Variants in C2orf42 observed in about 807,000 individuals in gnomAD.
C2orf42 encodes the protein uncharacterized protein C2orf42.
In C2orf42, 44 loss-of-function variants were observed where a neutral mutation model predicts 58.9. That is an observed-to-expected ratio of 0.75 (90% CI 0.59 to 0.96). C2orf42 has a LOEUF of 0.96. Among genes scored for constraint, C2orf42 ranks in the 40% least tolerant of loss-of-function variants. The pLI, the probability that C2orf42 is intolerant of heterozygous loss-of-function variation, is 0.00. For synonymous variants in C2orf42, 239 were observed against 265.4 expected (o/e 0.90, Z 0.97); for missense variants, 630 against 699.2 (o/e 0.90, Z 1.12).
chr2:70,175,590 A>G (rs1674133705), intron 5 of C2orf42, 83 bp downstream of exon 5: 1 of 831,528 alleles, frequency 1.2e-6, no homozygotes, highest in Non-Finnish European at 2.1e-6. Flanking sequence ...TCTTTGGGTG[A>G]CAATGTGCAT....
chr2:70,168,762 G>A (rs1216808676), intron 6 of C2orf42, among the ~76,000 whole-genome samples: 1 of 151,166 alleles, frequency 6.6e-6, no homozygotes, highest in Non-Finnish European at 1.5e-5. Context: ...GCCCAGGCTG[G>A]AGTGCAATGG....
chr2:70,157,757 A>G (rs1332994872), intron 9 of C2orf42, among the ~76,000 whole-genome samples: 1 of 152,054 alleles, frequency 6.6e-6, no homozygotes, highest in African/African-American at 2.4e-5. Flanking sequence ...AGATCGTGCC[A>G]CTGCACTCCC....
chr2:70,178,164 G>C (rs1256467671), intron 4 of C2orf42, among the ~76,000 whole-genome samples: 1 of 152,200 alleles, frequency 6.6e-6, no homozygotes, highest in Non-Finnish European at 1.5e-5. Flanking sequence ...TAGTAAGTTT[G>C]GAGTTTGGTC....
intron 9 of C2orf42, among the ~76,000 whole-genome samples, chr2:70,152,831 G>A (rs79649103): frequency 1.3e-5 from 2 of 152,096 alleles, no homozygotes; most frequent in Admixed American, 1.3e-4. Flanking sequence ...TCAGGAGTTC[G>A]AGACCAGCCT....
intron 5 of C2orf42, among the ~76,000 whole-genome samples, chr2:70,170,233 A>T (rs2104913787): frequency 6.7e-6 from 1 of 150,126 alleles, no homozygotes; most frequent in African/African-American, 2.5e-5. Context: ...AAATAAACTA[A>T]GTGAAATAAG....
At chr2:70,157,909 A>C (rs894976228) in intron 9 of C2orf42, among the ~76,000 whole-genome samples, 1 of 152,028 alleles carries the variant, frequency 6.6e-6, no homozygotes, top group Non-Finnish European at 1.5e-5. Flanking sequence ...CCTAAAAAGA[A>C]AGAAATTAAG....
chr2:70,188,343 A>C (rs146756582), intron 1 of C2orf42, among the ~76,000 whole-genome samples: 167 of 151,554 alleles, frequency 1.1e-3, no homozygotes, highest in Admixed American at 3.0e-3. Context: ...GTCCACCACC[A>C]AGCCCGGCTA....
chr2:70,150,119 ACT>A lies in C2orf42; in HGVS notation c.*235_*236del. 1 of 547,960 alleles carries A rather than the reference ACT, an allele frequency of 1.8e-6. No homozygotes were observed. The allele number at this position is 547,960 out of a possible 1,614,324, so 33.9% of individuals were successfully genotyped here. On this transcript the variant is annotated 3_prime_UTR_variant, in exon 10 of 10. Transcript: ENST00000264434. ...TGGTTTTCTTTCTGTTCCTTTTAAAACTCTAGCCAGAAATACTGCCCAATGCA... is the reference window on the plus strand; with the variant it reads ...TGGTTTTCTTTCTGTTCCTTTTAAAACTAGCCAGAAATACTGCCCAATGCA...
chr2:70,184,319 C>T (rs775454353), intron 1 of C2orf42, among the ~76,000 whole-genome samples: 10 of 151,816 alleles, frequency 6.6e-5, no homozygotes, highest in Admixed American at 2.0e-4. Flanking sequence ...CTCCGCCTCC[C>T]GGGCTCAAGC....
In C2orf42 at chr2:70,188,371, G is replaced by T. The variant is rs534806455; in HGVS notation, c.-282+2602C>A. 2.6e-5 allele frequency among the ~76,000 whole-genome samples: 4 copies of T among 151,962 alleles called. No homozygotes were observed. The East Asian group carries it at 7.8e-4, about 30-fold the overall frequency. ...CCCGGCTAATTTTTCTGTATTTTTAGTTGAGACGGGGTTTCTCCATGTTGG... is the reference window on the plus strand; with the variant it reads ...CCCGGCTAATTTTTCTGTATTTTTATTTGAGACGGGGTTTCTCCATGTTGG... On this transcript the variant is annotated intron_variant, in intron 1 of 9. Coordinates refer to ENST00000264434, the MANE Select transcript of C2orf42 (RefSeq NM_017880.3).
At chr2:70,177,513 C>T (rs963951625) in intron 4 of C2orf42, among the ~76,000 whole-genome samples, 1 of 152,150 alleles carries the variant, frequency 6.6e-6, no homozygotes, top group Admixed American at 6.6e-5. Context: ...CTCTAAAATA[C>T]ACAAATGACC....
At chr2:70,175,813 C>A (rs752242063) in intron 4 of C2orf42, 36 bp from the exon 5 acceptor site, 1 of 1,184,458 alleles carries the variant, frequency 8.4e-7, no homozygotes, top group South Asian at 1.2e-5. Context: ...AACAATGTAT[C>A]TGCTAAATAT....
chr2:70,175,788 A>C lies in C2orf42; in HGVS notation c.935-11T>G. 1 of 1,492,420 alleles carries C rather than the reference A, an allele frequency of 6.7e-7. No individual in the cohort carries two copies. Among genetic ancestry groups the C allele is most frequent in the South Asian group, 1.1e-5 (1 of 88,526 alleles). The allele number at this position is 1,492,420 out of a possible 1,614,324, so 92.4% of individuals were successfully genotyped here. A position where few individuals can be genotyped will look rare whatever the true frequency, so the allele number is the denominator to read the frequency against. ...TGTTCATCTGTGCACCTAAACCACA[A>C]ATCATTACAGGTTTAACAATGTATC... On this transcript the variant is annotated splice_polypyrimidine_tract_variant and intron_variant, in intron 4 of 9. Transcript: ENST00000264434.
chr2:70,171,460 A>G (rs1208982949), intron 5 of C2orf42, among the ~76,000 whole-genome samples: 2 of 152,158 alleles, frequency 1.3e-5, no homozygotes, highest in Non-Finnish European at 2.9e-5. Flanking sequence ...TTGCAATGAT[A>G]ATACCTTTAG....
At chr2:70,164,025 T>C (rs7425261) in intron 8 of C2orf42, among the ~76,000 whole-genome samples, 1 of 149,942 alleles carries the variant, frequency 6.7e-6, no homozygotes, top group Non-Finnish European at 1.5e-5. Context: ...TTTTTTTAAT[T>C]AATAGGGTGG....
chr2:70,165,777 A>C (rs1041691603), intron 6 of C2orf42, 142 bp from the exon 7 acceptor site: 10 of 593,866 alleles, frequency 1.7e-5, no homozygotes, highest in East Asian at 2.8e-5. Flanking sequence ...GGCAAAAAGA[A>C]GGCTTTGATT....
At chr2:70,163,801 G>A (rs1238703554) in intron 8 of C2orf42, among the ~76,000 whole-genome samples, 3 of 152,028 alleles carry the variant, frequency 2.0e-5, no homozygotes, top group African/African-American at 7.2e-5. Flanking sequence ...AGTGAGCCGA[G>A]ATCGTGCCAC....
intron 1 of C2orf42, among the ~76,000 whole-genome samples, chr2:70,184,545 A>G (rs1036604225): frequency 1.2e-4 from 17 of 138,730 alleles, no homozygotes; most frequent in Admixed American, 2.3e-4. Flanking sequence ...TGGAGTGCAG[A>G]TCATGGCTCA....
intron 1 of C2orf42, among the ~76,000 whole-genome samples, chr2:70,187,222 G>C (rs534349937): frequency 1.3e-5 from 2 of 152,080 alleles, no homozygotes; most frequent in African/African-American, 4.8e-5. Flanking sequence ...ATCAACAATG[G>C]AGTTCCACTC....
Sources: gnomAD v4.1 joint callset for allele counts (sites outside exome capture counted in the v4.1 genomes callset) on GRCh38, gnomAD v4.1.1 for gene constraint, MANE v1.5 for transcripts, NCBI Gene and HGNC (gene_info 2026-07-23, HGNC 2026-07-21) for gene names.